COL25A1: variants seen among roughly 807,000 people sequenced by gnomAD.
The protein encoded by COL25A1 is collagen type XXV alpha 1 chain, also known as collagen alpha-1(XXV) chain.
COL25A1 carries 103 observed loss-of-function variants against 128.4 expected under a neutral mutation model. The ratio of observed to expected loss-of-function variants is 0.80; its 90% CI spans 0.68 to 0.94. The LOEUF is 0.94. Ranked by LOEUF, COL25A1 falls within the 40% of genes least tolerant of loss-of-function variation. The probability of loss-of-function intolerance (pLI) is 0.00; values close to 1 mark genes in which losing one functional copy is unlikely to be tolerated. For missense variants in COL25A1, 745 were observed against 840.0 expected (o/e 0.89, Z 1.40); for synonymous variants, 279 against 277.2 (o/e 1.01, Z -0.06).
At chr4:108,861,562 T>A in intron 22 of COL25A1, among the ~76,000 whole-genome samples, 1 of 152,188 alleles carries the variant, frequency 6.6e-6, no homozygotes, top group East Asian at 1.9e-4. Flanking sequence ...TTGGCAGCGC[T>A]GAAGGTCAGG....
chr4:108,972,483 T>C (rs979471391), intron 8 of COL25A1, among the ~76,000 whole-genome samples: 1 of 152,204 alleles, frequency 6.6e-6, no homozygotes. Flanking sequence ...TAGTAATGTT[T>C]ACAAAATTCT....
At chr4:109,080,616 A>AT (rs1476420520) in intron 3 of COL25A1, among the ~76,000 whole-genome samples, 2 of 152,126 alleles carry the variant, frequency 1.3e-5, no homozygotes, top group Non-Finnish European at 2.9e-5. Context: ...GAGCAGTGAT[A>AT]TTTTTTATGT....
intron 3 of COL25A1, among the ~76,000 whole-genome samples, chr4:109,218,748 A>G (rs902405936): frequency 6.6e-6 from 1 of 152,084 alleles, no homozygotes; most frequent in African/African-American, 2.4e-5. Context: ...ATGTCCCTGA[A>G]TATGTAAGCC....
At chr4:109,230,673 C>T (rs11932715) in intron 3 of COL25A1, among the ~76,000 whole-genome samples, 12,859 of 152,026 alleles carry the variant, frequency 0.085, 1,117 homozygotes, top group African/African-American at 0.23. Flanking sequence ...TTCAAAAATG[C>T]TTAATCAAAA....
At chr4:109,220,604 T>C (rs1167676667) in intron 3 of COL25A1, among the ~76,000 whole-genome samples, 1 of 152,184 alleles carries the variant, frequency 6.6e-6, no homozygotes, top group Non-Finnish European at 1.5e-5. Flanking sequence ...AGTAGAATTA[T>C]TTGATAAGCA....
At chr4:109,080,428 C>G (rs1014752050) in intron 3 of COL25A1, among the ~76,000 whole-genome samples, 6 of 152,150 alleles carry the variant, frequency 3.9e-5, no homozygotes, top group African/African-American at 1.4e-4. Flanking sequence ...ACATAAGAAG[C>G]AAGGGATAAA....
chr4:109,197,744 G>A (rs1776239509), intron 3 of COL25A1, among the ~76,000 whole-genome samples: 1 of 151,240 alleles, frequency 6.6e-6, no homozygotes, highest in African/African-American at 2.4e-5. Context: ...CTAATAATTT[G>A]TAAGACTCAA....
At chr4:108,878,155 A>G (rs1160911396) in intron 19 of COL25A1, among the ~76,000 whole-genome samples, 1 of 152,142 alleles carries the variant, frequency 6.6e-6, no homozygotes, top group Admixed American at 6.5e-5. Context: ...TGCCCATAGA[A>G]AAATCTCTGG....
rs1299284379 is a variant in COL25A1 at position 108,869,148 on chromosome 4, T to G, written c.1023A>C (p.Gly341=). The part of the protein sequence containing the change: ...PGLPGLPGIK[G]EPGFIGPQGE... ...CTTGAGGACCAATGAAACCTGGTTC[T>G]CCCTTTAAAAACATGGGCATATGAG... Residue 341 remains glycine (G), a splice_region_variant and synonymous_variant, in exon 20 of 38, where the codon GGA becomes GGC. Transcript: ENST00000399132. 7 of 1,529,720 alleles carry G rather than the reference T, an allele frequency of 4.6e-6. No homozygotes were observed. Among genetic ancestry groups the G allele is most frequent in the Non-Finnish European group, 6.1e-6 (7 of 1,141,212 alleles). The allele number at this position is 1,529,720 out of a possible 1,614,324, so 94.8% of individuals were successfully genotyped here. A position where few individuals can be genotyped will look rare whatever the true frequency, so the allele number is the denominator to read the frequency against.
intron 16 of COL25A1, among the ~76,000 whole-genome samples, chr4:108,895,188 A>G (rs929788636): frequency 1.3e-5 from 2 of 152,188 alleles, no homozygotes; most frequent in Non-Finnish European, 2.9e-5. Context: ...CCATATTTAT[A>G]TTAATATTTG....
chr4:108,840,846 C>T (rs868557543), intron 31 of COL25A1, among the ~76,000 whole-genome samples: 2 of 152,318 alleles, frequency 1.3e-5, no homozygotes, highest in Middle Eastern at 6.8e-3. Flanking sequence ...AGATATTTTG[C>T]TAAGTGTTTT....
intron 3 of COL25A1, among the ~76,000 whole-genome samples, chr4:109,209,640 A>G (rs1043285883): frequency 6.6e-6 from 1 of 152,154 alleles, no homozygotes; most frequent in African/African-American, 2.4e-5. Context: ...GTAAATAATT[A>G]TTATCTTTGA....
chr4:109,181,311 C>T (rs1021000571), intron 3 of COL25A1, among the ~76,000 whole-genome samples: 4 of 152,068 alleles, frequency 2.6e-5, no homozygotes, highest in African/African-American at 9.7e-5. Context: ...TCAGGGACTT[C>T]ATGGACCAGA....
At chr4:109,165,435 G>A (rs1367444988) in intron 3 of COL25A1, among the ~76,000 whole-genome samples, 2 of 152,174 alleles carry the variant, frequency 1.3e-5, no homozygotes, top group Non-Finnish European at 2.9e-5. Context: ...ATAATGAAGG[G>A]CCAGCCATGG....
chr4:108,823,862 AC>A lies in COL25A1; in HGVS notation c.1845+311del, dbSNP rs1732058933. On this transcript the variant is annotated intron_variant, in intron 35 of 37. Coordinates refer to ENST00000399132, the MANE Select transcript of COL25A1 (RefSeq NM_198721.4). ...CTGCAGATTTGTGTCATTTAATTTT[AC>A]TTTTTAAAATGATTTTTTTTTCAAA... 6.1e-6 allele frequency: 8 copies of A among 1,319,056 alleles called. No individual in the cohort carries two copies. In the East Asian group the frequency reaches 2.5e-4, roughly 42 times the overall value. The allele number at this position is 1,319,056 out of a possible 1,614,324, so 81.7% of individuals were successfully genotyped here. A position where few individuals can be genotyped will look rare whatever the true frequency, so the allele number is the denominator to read the frequency against.
At chr4:108,877,290 G>A (rs1276597802) in intron 19 of COL25A1, among the ~76,000 whole-genome samples, 1 of 152,094 alleles carries the variant, frequency 6.6e-6, no homozygotes, top group Non-Finnish European at 1.5e-5. Flanking sequence ...CTTCAATCTT[G>A]TAGTATAAGC....
chr4:109,194,758 G>A (rs1775890795), intron 3 of COL25A1, among the ~76,000 whole-genome samples: 1 of 152,010 alleles, frequency 6.6e-6, no homozygotes, highest in Non-Finnish European at 1.5e-5. Context: ...CAGTATCCAT[G>A]CGCTTTATAC....
intron 6 of COL25A1, among the ~76,000 whole-genome samples, chr4:109,003,706 C>T (rs1208205700): frequency 2.0e-5 from 3 of 152,192 alleles, no homozygotes; most frequent in East Asian, 3.9e-4. Context: ...GAGGCTGACA[C>T]ATGAGAATAG....
intron 6 of COL25A1, among the ~76,000 whole-genome samples, chr4:108,984,064 T>C (rs974748119): frequency 1.3e-5 from 2 of 152,096 alleles, no homozygotes; most frequent in African/African-American, 4.8e-5. Flanking sequence ...ATCCCTGAGC[T>C]AGACACAAAG....
Sources: allele counts gnomAD v4.1 joint callset (sites outside exome capture counted in the v4.1 genomes callset), GRCh38; gene constraint gnomAD v4.1.1; transcripts MANE v1.5; gene names NCBI Gene and HGNC (gene_info 2026-07-23, HGNC 2026-07-21).